ZNF765: variants seen among roughly 807,000 people sequenced by gnomAD.
The protein encoded by ZNF765 is zinc finger protein 765.
ZNF765 carries 37 observed loss-of-function variants against 44.7 expected under a neutral mutation model. The observed-to-expected ratio is 0.83, with a 90% CI of 0.64 to 1.09. The LOEUF is 1.09. ZNF765 is among the 50% of genes least tolerant of loss of function. The probability of loss-of-function intolerance (pLI) is 0.00; values close to 1 mark genes in which losing one functional copy is unlikely to be tolerated. For missense variants in ZNF765, 594 were observed against 626.1 expected (o/e 0.95, Z 0.55); for synonymous variants, 201 against 213.7 (o/e 0.94, Z 0.52).
chr19:53,396,930 A>G (rs2085676817), intron 1 of ZNF765, among the ~76,000 whole-genome samples: 1 of 152,248 alleles, frequency 6.6e-6, no homozygotes, highest in Non-Finnish European at 1.5e-5. Context: ...GCTGAGTGGT[A>G]GTCTGCCTAG....
downstream of ZNF765, among the ~76,000 whole-genome samples, chr19:53,414,497 C>A (rs1304837356): frequency 3.7e-3 from 102 of 27,256 alleles, 3 homozygotes; most frequent in East Asian, 9.0e-3. Flanking sequence ...ACACCCCCCC[C>A]CCCCCCCCCC....
At chr19:53,407,571 C>A in intron 3 of ZNF765, 127 bp from the exon 4 acceptor site, 1 of 615,516 alleles carries the variant, frequency 1.6e-6, no homozygotes, top group South Asian at 4.4e-5. Context: ...CTTTTCTGTT[C>A]CTAAACTTTG....
intron 3 of ZNF765, among the ~76,000 whole-genome samples, chr19:53,405,334 A>G (rs1449076019): frequency 1.3e-5 from 2 of 152,138 alleles, no homozygotes; most frequent in African/African-American, 4.8e-5. Context: ...TCCAGGCAAC[A>G]AAGTAAGACT....
At chr19:53,404,018 C>T (rs1433167180) in intron 3 of ZNF765, among the ~76,000 whole-genome samples, 2 of 152,140 alleles carry the variant, frequency 1.3e-5, no homozygotes. Flanking sequence ...GTTGAATTAT[C>T]TAGAGAAGGT....
At chr19:53,404,085 C>A (rs1406278636) in intron 3 of ZNF765, among the ~76,000 whole-genome samples, 8 of 152,056 alleles carry the variant, frequency 5.3e-5, no homozygotes, top group South Asian at 4.1e-4. Flanking sequence ...TTATTTATTT[C>A]TTTGTTGATG....
At chr19:53,418,294 G>A (rs1263837916) in intron 3 of ZNF765, among the ~76,000 whole-genome samples, 1 of 151,792 alleles carries the variant, frequency 6.6e-6, no homozygotes. Context: ...CCAGCTATTC[G>A]GGCCACTGCA....
At chr19:53,412,224 T>A (rs565663587), downstream of ZNF765, among the ~76,000 whole-genome samples, 2 of 152,358 alleles carry the variant, frequency 1.3e-5, no homozygotes, top group African/African-American at 4.8e-5. Context: ...TGTTTAGGAT[T>A]TCTATGATGA....
chr19:53,416,750 ACT>A (rs2085877305), downstream of ZNF765, among the ~76,000 whole-genome samples: 1 of 151,162 alleles, frequency 6.6e-6, no homozygotes, highest in Non-Finnish European at 1.5e-5. Context: ...ATATTGGTAA[ACT>A]CTACGTTTCT....
intron 3 of ZNF765, among the ~76,000 whole-genome samples, chr19:53,419,959 T>G (rs1457125171): frequency 3.3e-5 from 5 of 151,814 alleles, no homozygotes; most frequent in Non-Finnish European, 7.4e-5. Flanking sequence ...AGGCGAAGGT[T>G]GTGGTGAGCC....
At chr19:53,399,643 T>C (rs1369928263) in intron 2 of ZNF765, among the ~76,000 whole-genome samples, 2 of 150,722 alleles carry the variant, frequency 1.3e-5, no homozygotes, top group East Asian at 2.0e-4. Flanking sequence ...ATTGTGCCAC[T>C]GCACCCCAGC....
chr19:53,395,756 G>T (rs1227804741), intron 1 of ZNF765, among the ~76,000 whole-genome samples: 1 of 152,206 alleles, frequency 6.6e-6, no homozygotes, highest in African/African-American at 2.4e-5. Context: ...CTGTGACACG[G>T]GGTGTTCTTG....
rs2085793563 is a variant in ZNF765 at position 53,408,078 on chromosome 19, T to G, written c.523T>G (p.Ser175Ala). 6.2e-7 allele frequency: 1 copy of G among 1,614,054 alleles called. No homozygotes were observed. The highest frequency in any genetic ancestry group is 1.7e-5 in the Admixed American group (1 of 60,006). The change falls in exon 4 of 4, where the codon TCA becomes GCA. Residue 175 changes from serine (S) to alanine (A), a missense_variant. By Grantham distance (99) the Ser-to-Ala change is moderately conservative (BLOSUM62 1). This residue lies in a region of ZNF765 where 567 missense variants were observed against 572.6 expected (regional missense o/e 0.99). Coordinates refer to ENST00000396408, the MANE Select transcript of ZNF765 (RefSeq NM_001040185.3). ...VKSIHDASLV[S>A]TAQRISCRPE... ...GTCTATCCACGATGCTTCCTTGGTTTCAACAGCCCAAAGAATTTCTTGTAG... is the reference window on the plus strand; with the variant it reads ...GTCTATCCACGATGCTTCCTTGGTTGCAACAGCCCAAAGAATTTCTTGTAG...
chr19:53,407,878 G>T lies in ZNF765; in HGVS notation c.323G>T (p.Gly108Val), dbSNP rs767863058. 6.2e-6 allele frequency: 10 copies of T among 1,613,606 alleles called. No individual in the cohort carries two copies. The African/African-American group carries it at 1.1e-4, about 17-fold the overall frequency. ...EFQWQEDERN[G>V]HEALMTKIKK... ...CAGTGGCAAGAAGATGAAAGAAATG[G>T]CCATGAAGCACTCATGACAAAAATC... Residue 108 changes from glycine (G) to valine (V), a missense_variant, in exon 4 of 4, where the codon GGC (glycine) becomes GTC (valine). Gly to Val is a moderately radical substitution (Grantham distance 109). This residue lies in a region of ZNF765 where 567 missense variants were observed against 572.6 expected (regional missense o/e 0.99). Coordinates refer to ENST00000396408, the MANE Select transcript of ZNF765 (RefSeq NM_001040185.3).
downstream of ZNF765, among the ~76,000 whole-genome samples, chr19:53,412,174 G>T (rs1229567356): frequency 6.6e-6 from 1 of 152,148 alleles, no homozygotes; most frequent in African/African-American, 2.4e-5. Flanking sequence ...TTCATGGATG[G>T]TCTTTCTATT....
rs367559860 is a variant in ZNF765 at position 53,402,616 on chromosome 19, C to T, written c.142+425C>T. Among the ~76,000 whole-genome samples, 25 of 152,178 alleles carry T rather than the reference C, an allele frequency of 1.6e-4. No individual in the cohort carries two copies. In the East Asian group the frequency reaches 2.5e-3, roughly 15 times the overall value. ...TCTCTCTGTCAGCCCGGGTGGAGTA[C>T]AATGGTGTGATCATGGCTCACTGCA... On this transcript the variant is annotated intron_variant, in intron 3 of 3. Transcript: ENST00000396408.
chr19:53,405,947 AT>A, intron 3 of ZNF765, among the ~76,000 whole-genome samples: 1 of 114,726 alleles, frequency 8.7e-6, no homozygotes, highest in Non-Finnish European at 1.8e-5. Flanking sequence ...ATATATATAT[AT>A]ATAAAATTGC....
intron 2 of ZNF765, among the ~76,000 whole-genome samples, chr19:53,399,595 C>A (rs1420541087): frequency 1.3e-5 from 2 of 151,516 alleles, no homozygotes; most frequent in East Asian, 3.9e-4. Flanking sequence ...GCAGGAGAAT[C>A]ACTTGAACCT....
downstream of ZNF765, among the ~76,000 whole-genome samples, chr19:53,416,814 T>A (rs1268977273): frequency 6.6e-6 from 1 of 150,918 alleles, no homozygotes; most frequent in Non-Finnish European, 1.5e-5. Flanking sequence ...GTCCATTGAT[T>A]TCTTTTCTTT....
At position 53,407,653 on chromosome 19, in the gene ZNF765, C is replaced by T. The variant is rs747548796; in HGVS notation, c.143-45C>T. Reference sequence around the variant, plus strand: ...TATTTACACATTTCAGCATTATTTACCATCTGTACTTAATTTGAAACCTTT... The same window carrying T: ...TATTTACACATTTCAGCATTATTTATCATCTGTACTTAATTTGAAACCTTT... On this transcript the variant is annotated intron_variant, in intron 3 of 3. Coordinates refer to ENST00000396408, the MANE Select transcript of ZNF765 (RefSeq NM_001040185.3). The T allele has an allele frequency of 6.5e-6, 9 of 1,379,084 alleles. No homozygotes were observed. The Admixed American group carries it at 1.2e-4, about 19-fold the overall frequency. 85.4% of individuals were successfully genotyped at this position (1,379,084 alleles called of 1,614,324 possible).
Sources: allele counts gnomAD v4.1 joint callset (sites outside exome capture counted in the v4.1 genomes callset), GRCh38; gene constraint gnomAD v4.1.1; regional missense constraint gnomAD v4.1.1; transcripts MANE v1.5; gene names NCBI Gene and HGNC (gene_info 2026-07-23, HGNC 2026-07-21).